Variants in VPS41 observed in about 807,000 individuals in gnomAD.
VPS41 encodes the protein vacuolar protein sorting-associated protein 41 homolog.
VPS41 carries 85 observed loss-of-function variants against 130.9 expected under a neutral mutation model. That is an observed-to-expected ratio of 0.65 (90% CI 0.55 to 0.78). The LOEUF is 0.78. Ranked by LOEUF, VPS41 falls within the 30% of genes least tolerant of loss-of-function variation. The probability of loss-of-function intolerance (pLI) is 0.00; values close to 1 mark genes in which losing one functional copy is unlikely to be tolerated. For synonymous variants in VPS41, 335 were observed against 332.9 expected (o/e 1.01, Z -0.07); for missense variants, 874 against 1,018.7 (o/e 0.86, Z 1.93).
At chr7:38,831,202 T>C in intron 4 of VPS41, 2 of 470,984 alleles carry the variant, frequency 4.2e-6, no homozygotes, top group South Asian at 1.6e-5. Context: ...TTGGCAAATA[T>C]AAACTGCACC....
chr7:38,757,334 C>T (rs995101522), intron 18 of VPS41, among the ~76,000 whole-genome samples: 2 of 152,100 alleles, frequency 1.3e-5, no homozygotes, highest in Non-Finnish European at 2.9e-5. Flanking sequence ...CAGAAACATC[C>T]GTTCCAATTC....
chr7:38,727,534 G>A (rs1483564372), intron 27 of VPS41, among the ~76,000 whole-genome samples: 1 of 152,180 alleles, frequency 6.6e-6, no homozygotes, highest in Non-Finnish European at 1.5e-5. Context: ...TAAATTTGGA[G>A]TTAAATCTAA....
Position 38,723,439 on chromosome 7 carries a change from T to G in VPS41, c.*2807A>C, listed in dbSNP as rs1409703402. On this transcript the variant is annotated 3_prime_UTR_variant, in exon 29 of 29. Transcript: ENST00000310301. ...CTGTTTTACACTTCAAGAATAGCTT[T>G]CTTGGCTGGGCATGGTGACTTACGC... The G allele has an allele frequency of 1.3e-5, 2 of 152,106 alleles. No individual in the cohort carries two copies. The highest frequency in any genetic ancestry group is 4.8e-5 in the African/African-American group (2 of 41,416). 9.4% of individuals were successfully genotyped at this position (152,106 alleles called of 1,614,324 possible). A position where few individuals can be genotyped will look rare whatever the true frequency, so the allele number is the denominator to read the frequency against.
At chr7:38,887,192 C>T (rs1057463945) in intron 2 of VPS41, among the ~76,000 whole-genome samples, 32 of 152,074 alleles carry the variant, frequency 2.1e-4, no homozygotes, top group East Asian at 5.8e-4. Flanking sequence ...ACAAGTTGAC[C>T]GAAGTAGGCT....
chr7:38,744,490 T>TA (rs1306467178), intron 23 of VPS41, among the ~76,000 whole-genome samples: 1 of 152,212 alleles, frequency 6.6e-6, no homozygotes, highest in Non-Finnish European at 1.5e-5. Context: ...TTTATGTCTC[T>TA]AAAAATGGTT....
At chr7:38,855,079 C>A (rs916591044) in intron 4 of VPS41, among the ~76,000 whole-genome samples, 1 of 151,934 alleles carries the variant, frequency 6.6e-6, no homozygotes, top group Non-Finnish European at 1.5e-5. Context: ...CATAGTGGCA[C>A]ATGCCTGTAG....
chr7:38,824,906 C>G (rs1785241261), intron 5 of VPS41, among the ~76,000 whole-genome samples: 1 of 152,134 alleles, frequency 6.6e-6, no homozygotes, highest in Non-Finnish European at 1.5e-5. Flanking sequence ...ACTGACAGAT[C>G]AGTAAATGTG....
intron 2 of VPS41, among the ~76,000 whole-genome samples, chr7:38,870,559 AC>A (rs547792545): frequency 6.0e-4 from 92 of 152,176 alleles, no homozygotes; most frequent in South Asian, 8.3e-4. Context: ...AAAGAAAACT[AC>A]TGGGGCCTCT....
intron 22 of VPS41, among the ~76,000 whole-genome samples, chr7:38,751,649 A>G (rs370566474): frequency 6.6e-6 from 1 of 152,220 alleles, no homozygotes; most frequent in Non-Finnish European, 1.5e-5. Context: ...AATTTCCAGG[A>G]GACAGAGACT....
chr7:38,845,151 G>GC (rs1342303854), intron 4 of VPS41, among the ~76,000 whole-genome samples: 1 of 152,158 alleles, frequency 6.6e-6, no homozygotes, highest in Non-Finnish European at 1.5e-5. Flanking sequence ...CCTGCCACAA[G>GC]CCCACGGACA....
At chr7:38,750,585 C>G (rs568341834) in intron 22 of VPS41, among the ~76,000 whole-genome samples, 1 of 152,280 alleles carries the variant, frequency 6.6e-6, no homozygotes, top group Non-Finnish European at 1.5e-5. Context: ...AAAAATTCTA[C>G]AAGGTCTACA....
chr7:38,730,991 T>C (rs866914676), intron 25 of VPS41, among the ~76,000 whole-genome samples: 1 of 152,196 alleles, frequency 6.6e-6, no homozygotes, highest in Non-Finnish European at 1.5e-5. Flanking sequence ...TCTGTCCGCC[T>C]GCAGATAGCA....
At chr7:38,807,951 T>C (rs1242588825) in intron 7 of VPS41, among the ~76,000 whole-genome samples, 2 of 152,078 alleles carry the variant, frequency 1.3e-5, no homozygotes, top group African/African-American at 4.8e-5. Flanking sequence ...GAGCAAAAGA[T>C]GGTTATAAGG....
At chr7:38,781,279 T>G (rs1784350120) in intron 10 of VPS41, among the ~76,000 whole-genome samples, 1 of 152,352 alleles carries the variant, frequency 6.6e-6, no homozygotes, top group South Asian at 2.1e-4. Flanking sequence ...TGGAATTCTG[T>G]ATGTAGCACA....
chr7:38,817,581 G>A (rs1040992279), intron 7 of VPS41, among the ~76,000 whole-genome samples: 3 of 152,202 alleles, frequency 2.0e-5, no homozygotes, highest in Admixed American at 6.5e-5. Context: ...TCACGCCACT[G>A]CACTCCATCC....
chr7:38,902,699 C>T (rs1384716221), intron 1 of VPS41, among the ~76,000 whole-genome samples: 2 of 152,130 alleles, frequency 1.3e-5, no homozygotes, highest in African/African-American at 4.8e-5. Context: ...CATGTCACTC[C>T]CTCCATTTAG....
chr7:38,886,082 A>T (rs982412228), intron 2 of VPS41, among the ~76,000 whole-genome samples: 2 of 151,990 alleles, frequency 1.3e-5, no homozygotes, highest in Admixed American at 6.6e-5. Flanking sequence ...TCCCAGCGAG[A>T]CTGATGCAGA....
chr7:38,760,546 C>T (rs1281531165), intron 17 of VPS41, among the ~76,000 whole-genome samples: 1 of 151,742 alleles, frequency 6.6e-6, no homozygotes, highest in Non-Finnish European at 1.5e-5. Flanking sequence ...TGCCTCATTG[C>T]TTACTCTCCC....
At chr7:38,776,899 C>G in intron 10 of VPS41, 123 bp from the exon 11 acceptor site, 1 of 530,448 alleles carries the variant, frequency 1.9e-6, no homozygotes, top group Non-Finnish European at 3.5e-6. Context: ...AAAGGGGACA[C>G]CGTTGAACAT....
Sources: allele counts gnomAD v4.1 joint callset (sites outside exome capture counted in the v4.1 genomes callset), GRCh38; gene constraint gnomAD v4.1.1; transcripts MANE v1.5; gene names NCBI Gene and HGNC (gene_info 2026-07-23, HGNC 2026-07-21).